Variants in MCTP1 observed in about 807,000 individuals in gnomAD.
MCTP1 encodes the protein multiple C2 and transmembrane domain containing 1.
A neutral mutation model predicts 120.6 loss-of-function variants in MCTP1; 69 were observed. The observed-to-expected ratio is 0.57, with a 90% CI of 0.47 to 0.70. MCTP1 has a LOEUF of 0.70. MCTP1 is among the 30% of genes least tolerant of loss of function. MCTP1 has a pLI of 0.00. For synonymous variants in MCTP1, 529 were observed against 493.1 expected, an observed-to-expected ratio of 1.07 and a Z score of -0.96; for missense variants, 1,203 against 1,248.8, an observed-to-expected ratio of 0.96 and a Z score of 0.55.
intron 1 of MCTP1, among the ~76,000 whole-genome samples, chr5:95,223,717 G>A (rs376457350): frequency 1.1e-4 from 17 of 152,138 alleles, no homozygotes; most frequent in African/African-American, 2.9e-4. Context: ...AATAACTAGC[G>A]GACTCAAAGG....
At chr5:95,137,410 G>C (rs924382734) in intron 1 of MCTP1, among the ~76,000 whole-genome samples, 11 of 152,212 alleles carry the variant, frequency 7.2e-5, no homozygotes, top group Non-Finnish European at 1.5e-4. Context: ...AAAACACTTT[G>C]TACCATGCCT....
intron 1 of MCTP1, among the ~76,000 whole-genome samples, chr5:95,119,201 T>C (rs952051589): frequency 1.3e-5 from 2 of 152,016 alleles, no homozygotes; most frequent in Non-Finnish European, 2.9e-5. Flanking sequence ...CCGAACACAA[T>C]GGAATTAAAC....
intron 17 of MCTP1, among the ~76,000 whole-genome samples, chr5:94,832,609 AACACAC>A (rs59233492): frequency 0.29 from 42,968 of 146,916 alleles, 6,577 homozygotes; most frequent in Non-Finnish European, 0.35. Flanking sequence ...GGGCTAGCTG[AACACAC>A]ACACACACAC....
intron 1 of MCTP1, among the ~76,000 whole-genome samples, chr5:95,050,088 C>T (rs1745506304): frequency 6.6e-6 from 1 of 151,234 alleles, no homozygotes; most frequent in South Asian, 2.1e-4. Context: ...ACCAAAGAAA[C>T]ATCTGGGAAA....
At chr5:94,934,542 T>C (rs1815663661) in intron 5 of MCTP1, among the ~76,000 whole-genome samples, 1 of 151,798 alleles carries the variant, frequency 6.6e-6, no homozygotes, top group Admixed American at 6.6e-5. Flanking sequence ...TTTTTTAATT[T>C]TTATCTTTTG....
chr5:94,727,652 A>G (rs1454379229), intron 19 of MCTP1, among the ~76,000 whole-genome samples: 1 of 152,240 alleles, frequency 6.6e-6, no homozygotes, highest in Non-Finnish European at 1.5e-5. Context: ...AACAGTCTTA[A>G]GAACAAATCA....
intron 17 of MCTP1, among the ~76,000 whole-genome samples, chr5:94,800,681 C>CT (rs1265102807): frequency 6.6e-6 from 1 of 152,116 alleles, no homozygotes; most frequent in East Asian, 1.9e-4. Context: ...CATGACATTA[C>CT]TGTACCATCC....
intron 1 of MCTP1, among the ~76,000 whole-genome samples, chr5:95,180,720 T>C (rs1035976261): frequency 2.0e-5 from 3 of 152,182 alleles, no homozygotes; most frequent in African/African-American, 7.2e-5. Context: ...TTTGTATCTC[T>C]AGCCACCGTC....
chr5:94,826,051 T>C, intron 17 of MCTP1: 1 of 322,678 alleles, frequency 3.1e-6, no homozygotes. Flanking sequence ...TTCTGGCTCG[T>C]GGAGAAGATA....
chr5:95,226,432 G>A (rs754449264), intron 1 of MCTP1, among the ~76,000 whole-genome samples: 2 of 152,110 alleles, frequency 1.3e-5, no homozygotes, highest in East Asian at 1.9e-4. Flanking sequence ...AACTAAGTGA[G>A]CAAAAATAGT....
At chr5:94,950,043 G>C (rs1820094068) in intron 3 of MCTP1, among the ~76,000 whole-genome samples, 1 of 151,600 alleles carries the variant, frequency 6.6e-6, no homozygotes, top group Non-Finnish European at 1.5e-5. Context: ...AAAAGTTAGA[G>C]ATTTTCTTTC....
Position 95,276,251 on chromosome 5 carries a change from A to ATTTTTT in MCTP1, c.720+7599_720+7604dup, listed in dbSNP as rs34667866. 3.5e-4 allele frequency among the ~76,000 whole-genome samples: 30 copies of ATTTTTT among 84,774 alleles called. 2 individuals are homozygous for ATTTTTT. Among genetic ancestry groups the ATTTTTT allele is most frequent in the Non-Finnish European group, 4.4e-4 (21 of 47,594 alleles). 55.6% of individuals were successfully genotyped at this position (84,774 alleles called of 152,430 possible). A position where few individuals can be genotyped will look rare whatever the true frequency, so the allele number is the denominator to read the frequency against. On this transcript the variant is annotated intron_variant, in intron 1 of 22. Transcript: ENST00000515393. ...GACAGGATTCTTGGTCAATATTGGG[A>ATTTTTT]TTTTTTTTTTTTTTTTTTTTTTTTT... is the stretch of plus-strand genomic sequence containing the variant.
intron 22 of MCTP1, 132 bp from the exon 23 acceptor site, chr5:94,707,699 C>T: frequency 1.5e-6 from 1 of 669,762 alleles, no homozygotes; most frequent in Non-Finnish European, 2.7e-6. Context: ...GGATCTGCAG[C>T]TGAGATGCAG....
At chr5:94,732,841 G>C (rs1763389482) in intron 19 of MCTP1, among the ~76,000 whole-genome samples, 1 of 152,158 alleles carries the variant, frequency 6.6e-6, no homozygotes, top group Non-Finnish European at 1.5e-5. Flanking sequence ...CCAGAACTGT[G>C]AGATACAAGT....
At chr5:94,930,132 G>A (rs1361435226) in intron 6 of MCTP1, among the ~76,000 whole-genome samples, 2 of 151,678 alleles carry the variant, frequency 1.3e-5, no homozygotes, top group African/African-American at 4.8e-5. Flanking sequence ...ATATAAAACA[G>A]TAGAGGATAG....
rs181363320 is a variant in MCTP1 at position 95,070,793 on chromosome 5, G to A, written c.721-53309C>T. Among the ~76,000 whole-genome samples, 26 of 152,276 alleles carry A rather than the reference G, an allele frequency of 1.7e-4. No homozygotes were observed. In the East Asian group the frequency reaches 4.8e-3, roughly 28 times the overall value. ...CCGCAGTAGTTCCATAGCCTAAGAGGGATTGCAGAGGTAGGAACAACAAAG... is the reference window on the plus strand; with the variant it reads ...CCGCAGTAGTTCCATAGCCTAAGAGAGATTGCAGAGGTAGGAACAACAAAG... On this transcript the variant is annotated intron_variant, in intron 1 of 22. Coordinates refer to ENST00000515393, the MANE Select transcript of MCTP1 (RefSeq NM_024717.7).
In MCTP1 at chr5:94,889,624, T is replaced by C. The variant is rs551717631; in HGVS notation, c.1840-652A>G. Among the ~76,000 whole-genome samples, 3 of 152,210 alleles carry C rather than the reference T, an allele frequency of 2.0e-5. No individual in the cohort carries two copies. The South Asian group carries it at 6.2e-4, about 32-fold the overall frequency. ...ATTCAAAATAGTGAGTAATTTTTCTTAAATTTATAGTTTTATTTGCCATTT... is the reference window on the plus strand; with the variant it reads ...ATTCAAAATAGTGAGTAATTTTTCTCAAATTTATAGTTTTATTTGCCATTT... On this transcript the variant is annotated intron_variant, in intron 11 of 22. Transcript: ENST00000515393.
intron 11 of MCTP1, 70 bp from the exon 12 acceptor site, chr5:94,889,042 C>A: frequency 9.8e-7 from 1 of 1,021,600 alleles, no homozygotes; most frequent in Admixed American, 1.9e-5. Flanking sequence ...GCTGAGAAAA[C>A]ATTACATTTT....
At chr5:95,231,807 CA>C (rs1754979309) in intron 1 of MCTP1, among the ~76,000 whole-genome samples, 1 of 151,924 alleles carries the variant, frequency 6.6e-6, no homozygotes, top group African/African-American at 2.4e-5. Context: ...TGTATAACAA[CA>C]GTATTATAAA....
Sources: allele counts gnomAD v4.1 joint callset (sites outside exome capture counted in the v4.1 genomes callset), GRCh38; gene constraint gnomAD v4.1.1; transcripts MANE v1.5; gene names NCBI Gene and HGNC (gene_info 2026-07-23, HGNC 2026-07-21).